PTPN6: variants seen among roughly 807,000 people sequenced by gnomAD.
The protein encoded by PTPN6 is protein tyrosine phosphatase non-receptor type 6.
PTPN6 carries 18 observed loss-of-function variants against 81.5 expected under a neutral mutation model. That is an observed-to-expected ratio of 0.22 (90% CI 0.15 to 0.33). The LOEUF (loss-of-function observed/expected upper bound fraction) is 0.33, where lower values mean the gene tolerates loss of function less well. Ranked by LOEUF, PTPN6 falls within the 10% of genes least tolerant of loss-of-function variation. The probability of loss-of-function intolerance (pLI) is 1.00; values close to 1 mark genes in which losing one functional copy is unlikely to be tolerated. For missense variants in PTPN6, 500 were observed against 794.2 expected (o/e 0.63, Z 4.45); for synonymous variants, 301 against 310.9 (o/e 0.97, Z 0.33).
Position 6,956,025 on chromosome 12 carries a change from C to T in PTPN6, c.845-117C>T, listed in dbSNP as rs782201632. ...CCCACCCCTGCTGCCCACAGTCCCC[C>T]GCAAGCCTCATGGCTTCTGAGACCA... On this transcript the variant is annotated intron_variant, in intron 7 of 15. Transcript: ENST00000318974. This position sits in a 1 kb window ranked among gnomAD's most constrained non-coding sequence, Gnocchi z 4.1. The T allele has an allele frequency of 2.4e-4, 258 of 1,074,250 alleles. 4 individuals are homozygous for T. In the Middle Eastern group the frequency reaches 4.2e-3, roughly 18 times the overall value. The allele number at this position is 1,074,250 out of a possible 1,614,324, so 66.5% of individuals were successfully genotyped here. A position where few individuals can be genotyped will look rare whatever the true frequency, so the allele number is the denominator to read the frequency against.
rs782801811 is a variant in PTPN6 at position 6,955,533 on chromosome 12, C to T, written c.747+48C>T. ...GCTGGGGCAGCTGAGGTGGTGGCAG[C>T]GGCCTGGGGCCCCAGGCGGACACCT... is the stretch of plus-strand genomic sequence containing the variant. On this transcript the variant is annotated intron_variant, in intron 6 of 15. Transcript: ENST00000318974. The surrounding 1 kb of genome is among the most constrained non-coding windows in gnomAD (Gnocchi z 7.2). The T allele has an allele frequency of 3.1e-5, 49 of 1,594,354 alleles. 1 individual carries two copies. The highest frequency in any genetic ancestry group is 1.9e-4 in the South Asian group (17 of 90,682).
In PTPN6 at chr12:6,960,559, C is replaced by A. The variant is rs1946120046; in HGVS notation, c.1673+124C>A. Reference sequence around the variant, plus strand: ...CCTGGCTTCAAGTTCAGGCTTGGTTCTCACCCCTTCTGTTCATAAGCATTT... The same window carrying A: ...CCTGGCTTCAAGTTCAGGCTTGGTTATCACCCCTTCTGTTCATAAGCATTT... On this transcript the variant is annotated intron_variant, in intron 14 of 15. Coordinates refer to ENST00000318974, the MANE Select transcript of PTPN6 (RefSeq NM_002831.6). The surrounding 1 kb of genome is among the most constrained non-coding windows in gnomAD (Gnocchi z 6.1). 2 of 1,423,878 alleles carry A rather than the reference C, an allele frequency of 1.4e-6. No individual in the cohort carries two copies. The highest frequency in any genetic ancestry group is 9.7e-7 in the Non-Finnish European group (1 of 1,032,590). 88.2% of individuals were successfully genotyped at this position (1,423,878 alleles called of 1,614,324 possible).
chr12:6,956,117 T>A lies in PTPN6; in HGVS notation c.845-25T>A. The A allele has an allele frequency of 6.2e-7, 1 of 1,613,264 alleles. No homozygotes were observed. Among genetic ancestry groups the A allele is most frequent in the Non-Finnish European group, 8.5e-7 (1 of 1,179,256 alleles). ...GAGTCCCTGGCTAACCCAGACCATC[T>A]CGCCTCCTCTCCGCCCACTCCCAGT... On this transcript the variant is annotated intron_variant, in intron 7 of 15. Transcript: ENST00000318974. This position sits in a 1 kb window ranked among gnomAD's most constrained non-coding sequence, Gnocchi z 4.1.
At chr12:6,958,621 C>T (rs782525694) in intron 11 of PTPN6, among the ~76,000 whole-genome samples, 33 of 152,350 alleles carry the variant, frequency 2.2e-4, no homozygotes, top group African/African-American at 7.7e-4. Flanking sequence ...ATGGGTGATG[C>T]TTCTTTGGGG....
In PTPN6 at chr12:6,955,316, A is replaced by C; in HGVS notation, c.633+49A>C. ...CCCCACTTCCCCTGAGCTGTCCCCC[A>C]GATGTGAGCTTCTGGGATCTCTGAG... is the stretch of plus-strand genomic sequence containing the variant. On this transcript the variant is annotated intron_variant, in intron 5 of 15. Transcript: ENST00000318974. This position sits in a 1 kb window ranked among gnomAD's most constrained non-coding sequence, Gnocchi z 7.2. 6.2e-7 allele frequency: 1 copy of C among 1,610,442 alleles called. No individual in the cohort carries two copies. Among genetic ancestry groups the C allele is most frequent in the Non-Finnish European group, 8.5e-7 (1 of 1,176,926 alleles).
At chr12:6,958,681 C>G (rs1460747019) in intron 11 of PTPN6, among the ~76,000 whole-genome samples, 1 of 152,160 alleles carries the variant, frequency 6.6e-6, no homozygotes, top group Non-Finnish European at 1.5e-5. Flanking sequence ...GATCAGGAGA[C>G]CTCTGGTAAG....
chr12:6,948,945 CAAAA>C (rs1165231109), upstream of PTPN6, among the ~76,000 whole-genome samples: 7 of 84,980 alleles, frequency 8.2e-5, no homozygotes, highest in Admixed American at 1.3e-4. Context: ...GACTCCATCT[CAAAA>C]AAAAAAAAAA....
In PTPN6 at chr12:6,951,946, C is replaced by T. The variant is rs781942738; in HGVS notation, c.132-37C>T. On this transcript the variant is annotated intron_variant, in intron 2 of 15. Coordinates refer to ENST00000318974, the MANE Select transcript of PTPN6 (RefSeq NM_002831.6). This position sits in a 1 kb window ranked among gnomAD's most constrained non-coding sequence, Gnocchi z 7.2. ...CGATCCCTGCCCTCCTGCCTCTACT[C>T]CTGCACCGACTGGCCTCACCGCCTG... 4 of 1,607,192 alleles carry T rather than the reference C, an allele frequency of 2.5e-6. No homozygotes were observed. Among genetic ancestry groups the T allele is most frequent in the Non-Finnish European group, 3.4e-6 (4 of 1,174,948 alleles).
At chr12:6,947,437 A>T (rs1945843789), upstream of PTPN6, among the ~76,000 whole-genome samples, 1 of 152,174 alleles carries the variant, frequency 6.6e-6, no homozygotes, top group Non-Finnish European at 1.5e-5. Flanking sequence ...TGGGAGGCTG[A>T]GGCGAGAGGA....
Position 6,951,646 on chromosome 12 carries a change from A to T in PTPN6, c.46A>T (p.Thr16Ser). The change falls in exon 2 of 16, where the codon ACC becomes TCC. Residue 16 changes from threonine (T) to serine (S), a missense_variant. Coordinates refer to ENST00000318974, the MANE Select transcript of PTPN6 (RefSeq NM_002831.6). This position sits in a 1 kb window ranked among gnomAD's most constrained non-coding sequence, Gnocchi z 7.2. ...HRDLSGLDAE[T>S]LLKGRGVHGS... ...AGACCTCAGTGGGCTGGATGCAGAGACCCTGCTCAAGGGCCGAGGTGTCCA... is the reference window on the plus strand; with the variant it reads ...AGACCTCAGTGGGCTGGATGCAGAGTCCCTGCTCAAGGGCCGAGGTGTCCA... The T allele has an allele frequency of 6.2e-7, 1 of 1,613,430 alleles. No individual in the cohort carries two copies.
intron 3 of PTPN6, chr12:6,953,330 C>T (rs1202101168): frequency 6.6e-6 from 1 of 152,064 alleles, no homozygotes; most frequent in Non-Finnish European, 1.5e-5. Context: ...CTCTCTTTCT[C>T]CTTGCCTCCA....
Position 6,952,414 on chromosome 12 carries a change from C to T in PTPN6, c.326+237C>T, listed in dbSNP as rs934008143. On this transcript the variant is annotated intron_variant, in intron 3 of 15. Coordinates refer to ENST00000318974, the MANE Select transcript of PTPN6 (RefSeq NM_002831.6). This position sits in a 1 kb window ranked among gnomAD's most constrained non-coding sequence, Gnocchi z 8.1. ...GAGGAAGCCACAGAAAGCTGCCTCG[C>T]CCTACTCCGGGAGCCCTGGCCGCTG... 16 of 592,680 alleles carry T rather than the reference C, an allele frequency of 2.7e-5. No individual in the cohort carries two copies. Among genetic ancestry groups the T allele is most frequent in the Non-Finnish European group, 2.4e-5 (8 of 335,632 alleles). 36.7% of individuals were successfully genotyped at this position (592,680 alleles called of 1,614,324 possible).
rs372562559 is a variant in PTPN6, at chr12:6,960,261, G to GC, written c.1581+22_1581+23insC. The GC allele has an allele frequency of 0.11, 113,413 of 991,632 alleles. 215 individuals carry two copies. Among genetic ancestry groups the GC allele is most frequent in the Non-Finnish European group, 0.13 (95,074 of 732,524 alleles). The allele number at this position is 991,632 out of a possible 1,614,324, so 61.4% of individuals were successfully genotyped here. On this transcript the variant is annotated intron_variant, in intron 13 of 15. Transcript: ENST00000318974. This position sits in a 1 kb window ranked among gnomAD's most constrained non-coding sequence, Gnocchi z 6.1. Reference sequence around the variant, plus strand: ...GCAGGTGCGTGCAGAGCAGGGCCTGGGGGGGGGGGGGGCTGCAGTGCAGGA... The same window carrying GC: ...GCAGGTGCGTGCAGAGCAGGGCCTGGCGGGGGGGGGGGGCTGCAGTGCAGGA...
chr12:6,957,493 A>C lies in PTPN6; in HGVS notation c.1075-161A>C, dbSNP rs959869075. Reference sequence around the variant, plus strand: ...AGGCCTCACCACCTGTTGGTGGTTGATCTGAGACGAGAGCCCAGGTCTCCT... The same window carrying C: ...AGGCCTCACCACCTGTTGGTGGTTGCTCTGAGACGAGAGCCCAGGTCTCCT... On this transcript the variant is annotated intron_variant, in intron 9 of 15. Transcript: ENST00000318974. This position sits in a 1 kb window ranked among gnomAD's most constrained non-coding sequence, Gnocchi z 6.5. Among the ~76,000 whole-genome samples, 1 of 152,150 alleles carries C rather than the reference A, an allele frequency of 6.6e-6. No homozygotes were observed. The highest frequency in any genetic ancestry group is 1.5e-5 in the Non-Finnish European group (1 of 68,010).
rs967854902 is a variant in PTPN6 at position 6,953,276 on chromosome 12, C to T, written c.326+1099C>T. 3 of 152,198 alleles carry T rather than the reference C, an allele frequency of 2.0e-5. No individual in the cohort carries two copies. The East Asian group carries it at 5.8e-4, about 29-fold the overall frequency. The allele number at this position is 152,198 out of a possible 1,614,324, so 9.4% of individuals were successfully genotyped here. A position where few individuals can be genotyped will look rare whatever the true frequency, so the allele number is the denominator to read the frequency against. On this transcript the variant is annotated intron_variant, in intron 3 of 15. Transcript: ENST00000318974. ...CTGCCCTTCCTCTTCCCCACCGCAA[C>T]ACTCAGGGGGCTTTTGGCACCGAGA...
At chr12:6,949,776 A>G (rs182176905), upstream of PTPN6, among the ~76,000 whole-genome samples, 66 of 150,598 alleles carry the variant, frequency 4.4e-4, no homozygotes, top group Non-Finnish European at 6.8e-4. Flanking sequence ...CAGACTGCCT[A>G]TCTTCTTGTA....
In PTPN6 at chr12:6,956,171, C is replaced by T. The variant is rs782600635; in HGVS notation, c.874C>T (p.Arg292Trp). 16 of 1,614,054 alleles carry T rather than the reference C, an allele frequency of 9.9e-6. No homozygotes were observed. Among genetic ancestry groups the T allele is most frequent in the Admixed American group, 1.7e-5 (1 of 60,010 alleles). Residue 292 changes from arginine to tryptophan, a missense_variant, in exon 8 of 16, where the codon CGG (arginine) becomes TGG (tryptophan). By Grantham distance (101) the Arg-to-Trp change is moderately radical (BLOSUM62 -3). Coordinates refer to ENST00000318974, the MANE Select transcript of PTPN6 (RefSeq NM_002831.6). The surrounding 1 kb of genome is among the most constrained non-coding windows in gnomAD (Gnocchi z 4.1). ...CCACAGCCGAGTGATCCTGCAGGGA[C>T]GGGACAGTAACATCCCCGGGTCCGA... ...FDHSRVILQGRDSNIPGSDYI... is the reference protein window; with the variant it reads ...FDHSRVILQGWDSNIPGSDYI...
chr12:6,949,418 G>A (rs117155472), upstream of PTPN6, among the ~76,000 whole-genome samples: 2,124 of 152,264 alleles, frequency 0.014, 31 homozygotes, highest in Non-Finnish European at 0.022. Context: ...TGCCCCCGAC[G>A]CTGTCTGCTG....
upstream of PTPN6, among the ~76,000 whole-genome samples, chr12:6,947,218 T>C (rs1413759197): frequency 6.6e-6 from 1 of 152,228 alleles, no homozygotes; most frequent in Non-Finnish European, 1.5e-5. Context: ...GCATCTATTA[T>C]GCACCAGGTG....
Sources: allele counts gnomAD v4.1 joint callset (sites outside exome capture counted in the v4.1 genomes callset), GRCh38; gene constraint gnomAD v4.1.1; non-coding constraint Gnocchi (gnomAD v3.1); transcripts MANE v1.5; gene names NCBI Gene and HGNC (gene_info 2026-07-23, HGNC 2026-07-21).